The following CSGALNACT1 variants were observed in gnomAD, a reference collection of about 807,000 sequenced individuals.
CSGALNACT1 encodes beta4GalNAcT-1.
In CSGALNACT1, 52 loss-of-function variants were observed where a neutral mutation model predicts 51.0. That is an observed-to-expected ratio of 1.02 (90% CI 0.82 to 1.29). The LOEUF (loss-of-function observed/expected upper bound fraction) is 1.29. CSGALNACT1 is among the 50% of genes most tolerant of loss of function. The probability of loss-of-function intolerance (pLI) is 0.00; values close to 1 mark genes in which losing one functional copy is unlikely to be tolerated. For synonymous variants in CSGALNACT1, 341 were observed against 254.4 expected (o/e 1.34, Z -3.24); for missense variants, 935 against 679.2 (o/e 1.38, Z -4.19).
At chr8:19,665,824 C>T (rs1261078020) in intron 1 of CSGALNACT1, among the ~76,000 whole-genome samples, 1 of 152,200 alleles carries the variant, frequency 6.6e-6, no homozygotes, top group African/African-American at 2.4e-5. Context: ...GTGTTCTTCG[C>T]TACGTAAACA....
chr8:19,513,259 T>C (rs1339900565), intron 3 of CSGALNACT1, among the ~76,000 whole-genome samples: 1 of 151,576 alleles, frequency 6.6e-6, no homozygotes, highest in Non-Finnish European at 1.5e-5. Context: ...ATAGCGACAA[T>C]GTGGGAGAAA....
chr8:19,550,598 T>A (rs1217770679), intron 3 of CSGALNACT1, among the ~76,000 whole-genome samples: 2 of 152,198 alleles, frequency 1.3e-5, no homozygotes, highest in African/African-American at 4.8e-5. Flanking sequence ...CATTCCTTCA[T>A]CTTGGTGACG....
chr8:19,619,512 G>A (rs1046091046), intron 1 of CSGALNACT1, among the ~76,000 whole-genome samples: 2 of 152,038 alleles, frequency 1.3e-5, no homozygotes, highest in African/African-American at 4.8e-5. Context: ...GTGAAGACTG[G>A]AGGTGTGGAA....
intron 3 of CSGALNACT1, among the ~76,000 whole-genome samples, chr8:19,568,134 G>A (rs1423693713): frequency 2.0e-5 from 3 of 152,126 alleles, no homozygotes; most frequent in Non-Finnish European, 4.4e-5. Context: ...ACTTAACAAT[G>A]GGAATACATT....
intron 4 of CSGALNACT1, among the ~76,000 whole-genome samples, chr8:19,464,855 C>A (rs1475763754): frequency 6.6e-6 from 1 of 152,182 alleles, no homozygotes; most frequent in Non-Finnish European, 1.5e-5. Flanking sequence ...ACAACTTTCT[C>A]CAGTTGCAGA....
rs57549612 is a variant in CSGALNACT1, at chr8:19,649,819, CAAAAA to C, written c.-544+32649_-544+32653del. 5.0e-3 allele frequency among the ~76,000 whole-genome samples: 146 copies of C among 29,412 alleles called. 1 individual carries two copies. Among genetic ancestry groups the C allele is most frequent in the African/African-American group, 0.015 (118 of 7,840 alleles). The allele number at this position is 29,412 out of a possible 152,430, so 19.3% of individuals were successfully genotyped here. A position where few individuals can be genotyped will look rare whatever the true frequency, so the allele number is the denominator to read the frequency against. ...AAGAAATTAAATGCATTCCAAGTAG[CAAAAA>C]AAAAAAAAAAAAAAAAAAAAACCAC... On this transcript the variant is annotated intron_variant, in intron 1 of 9. Coordinates refer to the CSGALNACT1 transcript ENST00000332246.
chr8:19,666,811 G>GAAAGGAAGAA (rs35734602), intron 1 of CSGALNACT1, among the ~76,000 whole-genome samples: 1 of 26,354 alleles, frequency 3.8e-5, no homozygotes, highest in African/African-American at 2.1e-4. Context: ...AAGAAAGAAA[G>GAAAGGAAGAA]AGAGAGAGAG....
At chr8:19,704,660 C>A (rs571722637) in intron 1 of CSGALNACT1, among the ~76,000 whole-genome samples, 12 of 152,110 alleles carry the variant, frequency 7.9e-5, no homozygotes, top group African/African-American at 2.7e-4. Flanking sequence ...GATATGGAAA[C>A]AATTTAAGTA....
chr8:19,423,465 A>T (rs1019342031), intron 6 of CSGALNACT1, among the ~76,000 whole-genome samples: 2 of 152,054 alleles, frequency 1.3e-5, no homozygotes, highest in Non-Finnish European at 2.9e-5. Context: ...TGCACAAGTT[A>T]ATCTAGTTTA....
At chr8:19,553,892 G>T (rs1261419348) in intron 3 of CSGALNACT1, among the ~76,000 whole-genome samples, 3 of 131,102 alleles carry the variant, frequency 2.3e-5, no homozygotes, top group Admixed American at 7.5e-5. Flanking sequence ...GAACAAGAAA[G>T]AACTCGTAGA....
At chr8:19,429,321 T>A (rs2059298723) in intron 6 of CSGALNACT1, among the ~76,000 whole-genome samples, 2 of 151,890 alleles carry the variant, frequency 1.3e-5, no homozygotes, top group Admixed American at 6.6e-5. Context: ...GGATTACAGG[T>A]GTGAGCCACC....
intron 4 of CSGALNACT1, among the ~76,000 whole-genome samples, chr8:19,476,357 G>C (rs1306801437): frequency 1.3e-5 from 2 of 152,090 alleles, no homozygotes; most frequent in Non-Finnish European, 2.9e-5. Flanking sequence ...TCCTGCCTCA[G>C]CCTCCCCCAA....
chr8:19,473,940 T>G (rs903198241), intron 4 of CSGALNACT1, among the ~76,000 whole-genome samples: 1 of 152,244 alleles, frequency 6.6e-6, no homozygotes, highest in African/African-American at 2.4e-5. Context: ...TCTATGCCAG[T>G]AGAAACTGGT....
chr8:19,705,667 G>C (rs941856462), intron 1 of CSGALNACT1, among the ~76,000 whole-genome samples: 3 of 152,104 alleles, frequency 2.0e-5, no homozygotes, highest in East Asian at 1.9e-4. Flanking sequence ...AGCCGGGGAG[G>C]GGGAGGCTGC....
rs770062518 is a variant in CSGALNACT1 at position 19,458,640 on chromosome 8, T to A, written c.637A>T (p.Ile213Phe). The change falls in exon 5 of 10, where the codon ATC (isoleucine) becomes TTC (phenylalanine). Residue 213 changes from isoleucine (I) to phenylalanine (F), a missense_variant and splice_region_variant. By Grantham distance (21) the Ile-to-Phe change is conservative (BLOSUM62 0). Coordinates refer to ENST00000454498, the Ensembl canonical transcript of CSGALNACT1. ...CCTTTGTCCCTTTCTGTTCGGTAGA[T>A]CCCTGTTAAGAGAAAAACAAGGAAA... The A allele has an allele frequency of 1.2e-6, 2 of 1,613,944 alleles. No homozygotes were observed. The highest frequency in any genetic ancestry group is 2.7e-5 in the African/African-American group (2 of 74,912).
At chr8:19,536,733 G>A (rs1210167679) in intron 3 of CSGALNACT1, among the ~76,000 whole-genome samples, 1 of 152,164 alleles carries the variant, frequency 6.6e-6, no homozygotes, top group Non-Finnish European at 1.5e-5. Context: ...TGAAGTGGGA[G>A]AAATCAGTCT....
intron 1 of CSGALNACT1, among the ~76,000 whole-genome samples, chr8:19,736,485 T>A (rs2063981496): frequency 2.7e-5 from 4 of 150,926 alleles, no homozygotes; most frequent in Non-Finnish European, 5.9e-5. Context: ...CTCATGTGCT[T>A]GGGACTGAGA....
intron 1 of CSGALNACT1, among the ~76,000 whole-genome samples, chr8:19,747,760 C>A (rs1305507114): frequency 1.3e-5 from 2 of 151,914 alleles, no homozygotes; most frequent in Non-Finnish European, 2.9e-5. Flanking sequence ...TCTGTCTCCA[C>A]CAAGCTAGTT....
At chr8:19,550,183 G>T (rs1223230190) in intron 3 of CSGALNACT1, among the ~76,000 whole-genome samples, 1 of 152,042 alleles carries the variant, frequency 6.6e-6, no homozygotes, top group African/African-American at 2.4e-5. Context: ...AAGGAGTCTT[G>T]TTGTGTTGCC....
Sources: allele counts gnomAD v4.1 joint callset (sites outside exome capture counted in the v4.1 genomes callset), GRCh38; gene constraint gnomAD v4.1.1; transcripts MANE v1.5; gene names NCBI Gene and HGNC (gene_info 2026-07-23, HGNC 2026-07-21).